The following GTF2IRD1 variants were observed in gnomAD, a reference collection of about 807,000 sequenced individuals.
The protein encoded by GTF2IRD1 is GTF2I repeat domain containing 1, also known as general transcription factor II-I repeat domain-containing protein 1.
A neutral mutation model predicts 113.2 loss-of-function variants in GTF2IRD1; 26 were observed. The ratio of observed to expected loss-of-function variants is 0.23; its 90% CI spans 0.17 to 0.32. The LOEUF (loss-of-function observed/expected upper bound fraction) is 0.32. GTF2IRD1 is among the 10% of genes least tolerant of loss of function. The pLI is 1.00. For synonymous variants in GTF2IRD1, 484 were observed against 529.1 expected, an observed-to-expected ratio of 0.91 and a Z score of 1.17; for missense variants, 864 against 1,280.8, an observed-to-expected ratio of 0.67 and a Z score of 4.97.
intron 1 of GTF2IRD1, among the ~76,000 whole-genome samples, chr7:74,502,062 T>G (rs1554339661): frequency 6.6e-6 from 1 of 152,168 alleles, no homozygotes; most frequent in African/African-American, 2.4e-5. Context: ...TCCTCCCGTC[T>G]CAGCCTCCCA....
chr7:74,525,041 A>C (rs1266379432), intron 8 of GTF2IRD1, among the ~76,000 whole-genome samples: 1 of 152,056 alleles, frequency 6.6e-6, no homozygotes, highest in African/African-American at 2.4e-5. Context: ...TATCTCTACA[A>C]AAAAACAAAC....
intron 22 of GTF2IRD1, among the ~76,000 whole-genome samples, chr7:74,571,629 AG>A (rs1295660950): frequency 6.6e-6 from 1 of 152,226 alleles, no homozygotes; most frequent in Non-Finnish European, 1.5e-5. Context: ...TGGGAGGCCA[AG>A]GCAGGAGGGT....
chr7:74,549,235 G>A (rs1187120479), intron 17 of GTF2IRD1, among the ~76,000 whole-genome samples: 9 of 151,516 alleles, frequency 5.9e-5, no homozygotes, highest in East Asian at 1.9e-4. Flanking sequence ...CCCGGGAGGC[G>A]GAGGTTGCAC....
chr7:74,501,729 G>C (rs1054377799), intron 1 of GTF2IRD1, among the ~76,000 whole-genome samples: 1 of 152,100 alleles, frequency 6.6e-6, no homozygotes, highest in African/African-American at 2.4e-5. Flanking sequence ...TCTGCTCACT[G>C]CAACCTCGAC....
chr7:74,553,064 C>G (rs1799404077), intron 17 of GTF2IRD1, among the ~76,000 whole-genome samples: 1 of 152,114 alleles, frequency 6.6e-6, no homozygotes, highest in African/African-American at 2.4e-5. Context: ...TCTCGAACTC[C>G]TAACCTTAAG....
intron 4 of GTF2IRD1, among the ~76,000 whole-genome samples, chr7:74,515,839 C>T (rs1204324737): frequency 6.6e-6 from 1 of 152,192 alleles, no homozygotes; most frequent in Non-Finnish European, 1.5e-5. Context: ...GTCACTGCCA[C>T]CTCTCGCCTA....
intron 1 of GTF2IRD1, among the ~76,000 whole-genome samples, chr7:74,502,536 C>G (rs1796084816): frequency 1.3e-5 from 2 of 152,216 alleles, no homozygotes; most frequent in Non-Finnish European, 2.9e-5. Context: ...TCACTGTCAC[C>G]CTGGCCCCAG....
intron 20 of GTF2IRD1, among the ~76,000 whole-genome samples, 200 bp downstream of exon 20, chr7:74,557,922 C>T (rs1799698556): frequency 6.6e-6 from 1 of 152,182 alleles, no homozygotes; most frequent in Admixed American, 6.6e-5. Context: ...AGTCCCTGTA[C>T]TCATGAGCCT....
chr7:74,528,000 G>T (rs1367153477), intron 8 of GTF2IRD1, among the ~76,000 whole-genome samples: 2 of 152,144 alleles, frequency 1.3e-5, no homozygotes, highest in African/African-American at 4.8e-5. Context: ...TCAGCTTCTG[G>T]GGTGTGTTTT....
chr7:74,556,016 G>A (rs13243970), intron 19 of GTF2IRD1, among the ~76,000 whole-genome samples: 32 of 152,086 alleles, frequency 2.1e-4, no homozygotes, highest in Middle Eastern at 3.2e-3. Flanking sequence ...TTGGGCGGCC[G>A]AGGCAGGTGG....
chr7:74,556,620 CTTTTTTTTTTTTT>C (rs782679644), intron 19 of GTF2IRD1, among the ~76,000 whole-genome samples: 1 of 107,162 alleles, frequency 9.3e-6, no homozygotes, highest in Non-Finnish European at 1.9e-5. Context: ...CTGCACCCAG[CTTTTTTTTTTTTT>C]TTTTTTTTGA....
chr7:74,542,768 G>T (rs1798703594), intron 14 of GTF2IRD1, among the ~76,000 whole-genome samples: 1 of 152,232 alleles, frequency 6.6e-6, no homozygotes, highest in Admixed American at 6.5e-5. Context: ...GTGCCCAGCT[G>T]GGTTTGCAGT....
chr7:74,525,153 C>T (rs1443099877), intron 8 of GTF2IRD1, among the ~76,000 whole-genome samples: 1 of 152,216 alleles, frequency 6.6e-6, no homozygotes, highest in African/African-American at 2.4e-5. Context: ...TCCCACCTCC[C>T]AGCTTTACCT....
rs587617604 is a variant in GTF2IRD1 at position 74,555,645 on chromosome 7, G to A, written c.2023+151G>A. 1.3e-5 allele frequency: 8 copies of A among 623,274 alleles called. No homozygotes were observed. The highest frequency in any genetic ancestry group is 7.4e-5 in the South Asian group (4 of 53,854). The allele number at this position is 623,274 out of a possible 1,614,324, so 38.6% of individuals were successfully genotyped here. On this transcript the variant is annotated intron_variant, in intron 19 of 26. Transcript: ENST00000424337. This position sits in a 1 kb window ranked among gnomAD's most constrained non-coding sequence, Gnocchi z 5.3. ...CAAGCCAGGTTGGCAGCCCAGGCCC[G>A]GCTGTACCCTGCCAGCTCTGTGTTA...
intron 23 of GTF2IRD1, 43 bp downstream of exon 23, chr7:74,589,971 C>G (rs1331772904): frequency 7.5e-7 from 1 of 1,333,572 alleles, no homozygotes; most frequent in African/African-American, 1.4e-5. Flanking sequence ...GCCCTCCTCC[C>G]GGGGGTGGTG....
chr7:74,466,948 C>CTTTCTTT lies in GTF2IRD1; in HGVS notation c.-7+12776_-7+12782dup, dbSNP rs1554330985. On this transcript the variant is annotated intron_variant, in intron 1 of 26. Transcript: ENST00000424337. ...GGTGGGGGCCTCCTCCACCCTTTTTCTTTCTTTTTTTTTTTTTTTGGAGAC... is the reference window on the plus strand; with the variant it reads ...GGTGGGGGCCTCCTCCACCCTTTTTCTTTCTTTTTTCTTTTTTTTTTTTTTTGGAGAC... Among the ~76,000 whole-genome samples the CTTTCTTT allele has an allele frequency of 2.5e-4, 37 of 148,768 alleles. 1 individual carries two copies. Among genetic ancestry groups the CTTTCTTT allele is most frequent in the African/African-American group, 8.6e-4 (35 of 40,470 alleles).
chr7:74,582,496 C>T (rs587618303), intron 22 of GTF2IRD1, among the ~76,000 whole-genome samples: 2 of 152,262 alleles, frequency 1.3e-5, no homozygotes, highest in South Asian at 4.1e-4. Context: ...TGGCCTCAAG[C>T]AATCCTCCCA....
At chr7:74,496,305 T>A in intron 1 of GTF2IRD1, among the ~76,000 whole-genome samples, 1 of 143,064 alleles carries the variant, frequency 7.0e-6, no homozygotes, top group Admixed American at 7.0e-5. Flanking sequence ...TGTGCATGTG[T>A]GTGGGGGTGG....
chr7:74,567,286 C>T (rs781809229), intron 22 of GTF2IRD1, among the ~76,000 whole-genome samples: 2 of 151,634 alleles, frequency 1.3e-5, no homozygotes, highest in African/African-American at 4.8e-5. Flanking sequence ...TGAGATTGCA[C>T]CACAGCACTC....
Sources: gnomAD v4.1 joint callset for allele counts (sites outside exome capture counted in the v4.1 genomes callset) on GRCh38, gnomAD v4.1.1 for gene constraint, Gnocchi (gnomAD v3.1) non-coding constraint, MANE v1.5 for transcripts, NCBI Gene and HGNC (gene_info 2026-07-23, HGNC 2026-07-21) for gene names.